Variants in LRP1B observed in about 807,000 individuals in gnomAD.
LRP1B encodes the protein low-density lipoprotein receptor-related protein 1B.
LRP1B carries 217 observed loss-of-function variants against 556.6 expected under a neutral mutation model. The ratio of observed to expected loss-of-function variants is 0.39; its 90% CI spans 0.35 to 0.44. The LOEUF (loss-of-function observed/expected upper bound fraction) is 0.44, where lower values mean the gene tolerates loss of function less well. LRP1B is among the 20% of genes least tolerant of loss of function. The pLI is 1.00. For synonymous variants in LRP1B, 2,047 were observed against 1,865.8 expected, an observed-to-expected ratio of 1.10 and a Z score of -2.50; for missense variants, 5,053 against 5,620.8, an observed-to-expected ratio of 0.90 and a Z score of 3.23.
intron 1 of LRP1B, among the ~76,000 whole-genome samples, chr2:141,975,507 G>A (rs1467859040): frequency 6.6e-6 from 1 of 152,028 alleles, no homozygotes; most frequent in South Asian, 2.1e-4. Flanking sequence ...ATTGAAGGAA[G>A]AGAAAACACT....
At position 140,850,125 on chromosome 2, in the gene LRP1B, C is replaced by A. The variant is rs143407457; in HGVS notation, c.4916G>T (p.Gly1639Val). 1 of 1,610,794 alleles carries A rather than the reference C, an allele frequency of 6.2e-7. No homozygotes were observed. Among genetic ancestry groups the A allele is most frequent in the South Asian group, 1.1e-5 (1 of 90,884 alleles). The change falls in exon 29 of 91, where the codon GGG becomes GTG. Residue 1639 changes from glycine (G) to valine (V), a missense_variant. This residue lies in a region of LRP1B where 3,619 missense variants were observed against 3,931.9 expected (regional missense o/e 0.92). Coordinates refer to ENST00000389484, the MANE Select transcript of LRP1B (RefSeq NM_018557.3). ...ACCTCTTGAAATAACAGTTTCTAACCCAGTTCCGTTAATAAAAGCTCGTTT... is the reference window on the plus strand; with the variant it reads ...ACCTCTTGAAATAACAGTTTCTAACACAGTTCCGTTAATAAAAGCTCGTTT... ...TIKRAFINGT[G>V]LETVISRDIQ...
intron 11 of LRP1B, among the ~76,000 whole-genome samples, chr2:141,034,116 G>A (rs1419251739): frequency 6.6e-6 from 1 of 152,048 alleles, no homozygotes; most frequent in Non-Finnish European, 1.5e-5. Flanking sequence ...TAGGATCATG[G>A]TGTTCCTCTT....
intron 35 of LRP1B, among the ~76,000 whole-genome samples, chr2:140,748,323 T>TA (rs568499355): frequency 1.6e-5 from 2 of 124,784 alleles, no homozygotes; most frequent in Non-Finnish European, 3.3e-5. Context: ...TCATATATAA[T>TA]ATATATTATA....
At chr2:140,600,773 T>G (rs947129675) in intron 42 of LRP1B, among the ~76,000 whole-genome samples, 3 of 90,144 alleles carry the variant, frequency 3.3e-5, no homozygotes, top group Non-Finnish European at 7.5e-5. Flanking sequence ...CGGGGTTTTT[T>G]TTTTTTTTTT....
intron 66 of LRP1B, among the ~76,000 whole-genome samples, chr2:140,387,079 T>C (rs1209545708): frequency 2.0e-5 from 3 of 152,194 alleles, no homozygotes; most frequent in Admixed American, 2.0e-4. Flanking sequence ...GATAAAATTA[T>C]AAGCCTTAAT....
intron 77 of LRP1B, among the ~76,000 whole-genome samples, chr2:140,342,095 A>G (rs1489173385): frequency 6.6e-6 from 1 of 151,520 alleles, no homozygotes; most frequent in African/African-American, 2.4e-5. Flanking sequence ...AGGCTATGTA[A>G]GTATTATATA....
chr2:141,144,404 T>C (rs1431181117), intron 7 of LRP1B, among the ~76,000 whole-genome samples: 1 of 152,174 alleles, frequency 6.6e-6, no homozygotes, highest in Non-Finnish European at 1.5e-5. Context: ...ATCCACAAAA[T>C]AAGAGTAAAC....
At chr2:141,584,896 G>A (rs1687082637) in intron 2 of LRP1B, among the ~76,000 whole-genome samples, 1 of 152,138 alleles carries the variant, frequency 6.6e-6, no homozygotes, top group Non-Finnish European at 1.5e-5. Context: ...TGGATGTGGG[G>A]AGGGAGAGAT....
At chr2:140,369,262 G>A (rs760932965) in intron 71 of LRP1B, among the ~76,000 whole-genome samples, 16 of 151,854 alleles carry the variant, frequency 1.1e-4, no homozygotes, top group Non-Finnish European at 2.2e-4. Context: ...GATGAACCTT[G>A]TAACAGTAAA....
chr2:140,690,281 T>C (rs928472791), intron 41 of LRP1B, among the ~76,000 whole-genome samples: 1 of 152,132 alleles, frequency 6.6e-6, no homozygotes, highest in African/African-American at 2.4e-5. Flanking sequence ...CTCCAACCCC[T>C]TTCCTTTGTC....
intron 7 of LRP1B, among the ~76,000 whole-genome samples, chr2:141,121,820 C>T (rs549720381): frequency 3.9e-5 from 6 of 152,168 alleles, no homozygotes; most frequent in East Asian, 1.9e-4. Context: ...AAGAACAAAG[C>T]TGGAGACATC....
chr2:140,482,178 C>T lies in LRP1B; in HGVS notation c.9425+3165G>A, dbSNP rs369360625. 1.3e-4 allele frequency among the ~76,000 whole-genome samples: 16 copies of T among 123,446 alleles called. No individual in the cohort carries two copies. The East Asian group carries it at 4.3e-3, about 33-fold the overall frequency. The allele number at this position is 123,446 out of a possible 152,430, so 81.0% of individuals were successfully genotyped here. A position where few individuals can be genotyped will look rare whatever the true frequency, so the allele number is the denominator to read the frequency against. On this transcript the variant is annotated intron_variant, in intron 59 of 90. Transcript: ENST00000389484. ...TTTTAGAGTGTAACATACTTGAAGACGAGGGACCATGCCTTTTATTTTTAT... is the reference window on the plus strand; with the variant it reads ...TTTTAGAGTGTAACATACTTGAAGATGAGGGACCATGCCTTTTATTTTTAT...
At chr2:140,929,184 G>A (rs1694975434) in intron 20 of LRP1B, among the ~76,000 whole-genome samples, 1 of 152,070 alleles carries the variant, frequency 6.6e-6, no homozygotes, top group African/African-American at 2.4e-5. Flanking sequence ...TTTTGCATTT[G>A]AAAAGATTTC....
At chr2:141,450,236 A>G (rs1004880737) in intron 3 of LRP1B, among the ~76,000 whole-genome samples, 1 of 152,192 alleles carries the variant, frequency 6.6e-6, no homozygotes, top group Non-Finnish European at 1.5e-5. Context: ...TGCCAAACAC[A>G]CATTTCATTA....
chr2:140,350,445 T>C, intron 77 of LRP1B, among the ~76,000 whole-genome samples: 1 of 152,036 alleles, frequency 6.6e-6, no homozygotes, highest in East Asian at 1.9e-4. Flanking sequence ...CTTTCTAATG[T>C]AAAAATAAAG....
intron 1 of LRP1B, among the ~76,000 whole-genome samples, chr2:141,900,788 C>T (rs971580617): frequency 4.6e-5 from 7 of 151,822 alleles, no homozygotes; most frequent in South Asian, 2.1e-4. Context: ...ATTGCATTAA[C>T]GTGTACATTT....
intron 7 of LRP1B, among the ~76,000 whole-genome samples, chr2:141,078,957 A>G (rs1034691562): frequency 3.9e-5 from 6 of 152,194 alleles, no homozygotes; most frequent in Non-Finnish European, 7.3e-5. Context: ...AGGGAGATAA[A>G]GTGCTTTGCC....
At chr2:140,302,897 G>T (rs541050625) in intron 83 of LRP1B, among the ~76,000 whole-genome samples, 2 of 151,552 alleles carry the variant, frequency 1.3e-5, no homozygotes, top group Admixed American at 1.3e-4. Context: ...CCGATTTTTA[G>T]ATTTGGACTG....
At chr2:140,822,033 C>T (rs1425597433) in intron 31 of LRP1B, among the ~76,000 whole-genome samples, 1 of 151,590 alleles carries the variant, frequency 6.6e-6, no homozygotes, top group Non-Finnish European at 1.5e-5. Flanking sequence ...AAAGGGGAAA[C>T]ATCAAAGAAA....
Sources: gnomAD v4.1 joint callset for allele counts (sites outside exome capture counted in the v4.1 genomes callset) on GRCh38, gnomAD v4.1.1 for gene constraint, gnomAD v4.1.1 regional missense constraint, MANE v1.5 for transcripts, NCBI Gene and HGNC (gene_info 2026-07-23, HGNC 2026-07-21) for gene names.